The following ADTRP variants were observed in gnomAD, a reference collection of about 807,000 sequenced individuals.
ADTRP encodes androgen-dependent TFPI-regulating protein.
Under a neutral mutation model 27.0 loss-of-function variants are expected in ADTRP, and 20 were observed. The observed-to-expected ratio is 0.74, with a 90% CI of 0.52 to 1.08. ADTRP has a LOEUF of 1.08. Among genes scored for constraint, ADTRP ranks in the 50% least tolerant of loss-of-function variants. The probability of loss-of-function intolerance (pLI) is 0.00; values close to 1 mark genes in which losing one functional copy is unlikely to be tolerated. For synonymous variants in ADTRP, 101 were observed against 105.2 expected (o/e 0.96, Z 0.25); for missense variants, 251 against 275.0 (o/e 0.91, Z 0.62).
rs539801385 is a variant in ADTRP at position 11,747,532 on chromosome 6, A to G, written c.391-11849T>C. ...CTTCTCTTTTTATTCTGCCCTCAAC[A>G]TAAGAAGAAACTTGATTGCTATTGG... On this transcript the variant is annotated intron_variant, in intron 3 of 5. Coordinates refer to ENST00000414691, the MANE Select transcript of ADTRP (RefSeq NM_032744.4). Among the ~76,000 whole-genome samples, 9 of 152,364 alleles carry G rather than the reference A, an allele frequency of 5.9e-5. No individual in the cohort carries two copies. The South Asian group carries it at 1.4e-3, about 25-fold the overall frequency.
At chr6:11,727,444 AG>A (rs1192904044) in intron 4 of ADTRP, among the ~76,000 whole-genome samples, 2 of 152,210 alleles carry the variant, frequency 1.3e-5, no homozygotes, top group Non-Finnish European at 2.9e-5. Context: ...AACAGTTTCA[AG>A]TAGATAGGGC....
intron 4 of ADTRP, among the ~76,000 whole-genome samples, chr6:11,724,662 G>T (rs2235420): frequency 0.47 from 70,826 of 152,034 alleles, 18,100 homozygotes; most frequent in Non-Finnish European, 0.59. Flanking sequence ...CTGGAACTGG[G>T]CTTCTGTGAT....
chr6:11,729,936 A>G (rs1273344982), intron 4 of ADTRP, among the ~76,000 whole-genome samples: 1 of 152,182 alleles, frequency 6.6e-6, no homozygotes, highest in Non-Finnish European at 1.5e-5. Context: ...TGTGTGGTAC[A>G]TGTCAATCAA....
intron 3 of ADTRP, among the ~76,000 whole-genome samples, chr6:11,765,101 ATAAC>A (rs34936341): frequency 0.4 from 60,032 of 151,146 alleles, 12,448 homozygotes; most frequent in Admixed American, 0.45. Flanking sequence ...TCAATCATCA[ATAAC>A]TGACTGAGCA....
At chr6:11,749,516 G>A (rs1360223851) in intron 3 of ADTRP, among the ~76,000 whole-genome samples, 1 of 152,042 alleles carries the variant, frequency 6.6e-6, no homozygotes, top group Admixed American at 6.6e-5. Flanking sequence ...TGGGGAAAGG[G>A]CATTAGCAAA....
At chr6:11,731,529 T>C (rs1762379151) in intron 4 of ADTRP, among the ~76,000 whole-genome samples, 1 of 152,196 alleles carries the variant, frequency 6.6e-6, no homozygotes, top group Non-Finnish European at 1.5e-5. Flanking sequence ...ATATTTCTCA[T>C]TAGTCTCTTT....
At chr6:11,760,921 T>C (rs1380565325) in intron 3 of ADTRP, among the ~76,000 whole-genome samples, 1 of 152,222 alleles carries the variant, frequency 6.6e-6, no homozygotes, top group Non-Finnish European at 1.5e-5. Flanking sequence ...AAGGTGTCCC[T>C]GAAGAGGTGA....
intron 1 of ADTRP, among the ~76,000 whole-genome samples, chr6:11,771,989 G>A (rs936070341): frequency 6.6e-6 from 1 of 152,108 alleles, no homozygotes; most frequent in Non-Finnish European, 1.5e-5. Flanking sequence ...AGTTTGTTAC[G>A]GCAGCCCTAG....
intron 5 of ADTRP, 56 bp downstream of exon 5, chr6:11,723,293 G>A: frequency 6.3e-7 from 1 of 1,586,766 alleles, no homozygotes; most frequent in Non-Finnish European, 8.6e-7. Context: ...TCCAGGTGAA[G>A]GGGAGAGGCA....
rs1250994947 is a variant in ADTRP at position 11,778,704 on chromosome 6, A to G, written c.56T>C (p.Phe19Ser). 6.2e-7 allele frequency: 1 copy of G among 1,614,222 alleles called. No homozygotes were observed. The highest frequency in any genetic ancestry group is 1.3e-5 in the African/African-American group (1 of 75,042). ...TTCCTGTGAGATGTAATAATTGAGG[A>G]AAGTATACCAGCTCAGAACAAGGAA... ...YHFLVLSWYT[F>S]LNYYISQEGK... The change falls in exon 1 of 6, where the codon TTC (phenylalanine) becomes TCC (serine). Residue 19 changes from phenylalanine (F) to serine (S), a missense_variant. By Grantham distance (155) the Phe-to-Ser change is radical. Transcript: ENST00000414691.
At chr6:11,766,156 G>A (rs1339651869) in intron 3 of ADTRP, 118 bp downstream of exon 3, 1 of 690,674 alleles carries the variant, frequency 1.4e-6, no homozygotes, top group Non-Finnish European at 2.4e-6. Flanking sequence ...AATAAACAGT[G>A]ATGAGGTAGA....
intron 2 of ADTRP, among the ~76,000 whole-genome samples, chr6:11,766,959 G>A (rs1763593102): frequency 6.6e-6 from 1 of 152,210 alleles, no homozygotes; most frequent in South Asian, 2.1e-4. Context: ...ATGCTACGAA[G>A]TCAACGCATA....
intron 5 of ADTRP, among the ~76,000 whole-genome samples, chr6:11,716,719 C>CTTTTTCTTTTTTTTTTTT (rs200468981): frequency 8.0e-6 from 1 of 125,412 alleles, no homozygotes; most frequent in African/African-American, 3.0e-5. Context: ...TTTTCTTTTT[C>CTTTTTCTTTTTTTTTTTT]TTTTTTTTTT....
intron 3 of ADTRP, among the ~76,000 whole-genome samples, chr6:11,762,096 A>G (rs1202736431): frequency 6.6e-6 from 1 of 152,242 alleles, no homozygotes; most frequent in Non-Finnish European, 1.5e-5. Context: ...ATCATCTTGC[A>G]TGCTATGACT....
chr6:11,732,650 A>G (rs1762426286), intron 4 of ADTRP, among the ~76,000 whole-genome samples: 1 of 152,180 alleles, frequency 6.6e-6, no homozygotes, highest in Non-Finnish European at 1.5e-5. Context: ...GGCTTAGTGG[A>G]CCAAATACCA....
intron 3 of ADTRP, among the ~76,000 whole-genome samples, chr6:11,759,347 A>C (rs147185222): frequency 3.3e-5 from 5 of 152,298 alleles, no homozygotes; most frequent in Non-Finnish European, 5.9e-5. Flanking sequence ...ACTTATCAAT[A>C]TCCTTTGAGA....
chr6:11,747,586 C>A (rs1226957461), intron 3 of ADTRP, among the ~76,000 whole-genome samples: 3 of 152,212 alleles, frequency 2.0e-5, no homozygotes, highest in African/African-American at 7.2e-5. Context: ...TCCATAGCAG[C>A]CATGAAAACA....
At position 11,735,568 on chromosome 6, in the gene ADTRP, C is replaced by T. The variant is rs376139446; in HGVS notation, c.506G>A (p.Arg169His). ...LAAASIAYIS[R>H]ILWLYFETGT... ...TTGACTTTCTCCATGTAATTCTTAC[C>T]GGCTGATGTAAGCAATGCTGGCAGC... The change falls in exon 4 of 6, where the codon CGC becomes CAC. Residue 169 changes from arginine (R) to histidine (H), a missense_variant and splice_region_variant. Coordinates refer to ENST00000414691, the MANE Select transcript of ADTRP (RefSeq NM_032744.4). 3.0e-5 allele frequency: 48 copies of T among 1,607,562 alleles called. No individual in the cohort carries two copies. Among genetic ancestry groups the T allele is most frequent in the South Asian group, 2.1e-4 (19 of 90,664 alleles).
Position 11,723,449 on chromosome 6 carries a change from G to C in ADTRP, c.558C>G (p.Ala186=). The C allele has an allele frequency of 6.2e-7, 1 of 1,614,134 alleles. No homozygotes were observed. The highest frequency in any genetic ancestry group is 8.5e-7 in the Non-Finnish European group (1 of 1,180,034). The change falls in exon 5 of 6, where the codon GCC becomes GCG. Residue 186 remains alanine, a synonymous_variant. Transcript: ENST00000414691. ...CTGCTAGACCCAAGAGGCTGAGTTT[G>C]GCAAACACAGGATACACCCAGGTAC... ...ETGTWVYPVF[A]KLSLLGLAAF... is the part of the protein sequence containing the mutation.
Sources: allele counts gnomAD v4.1 joint callset (sites outside exome capture counted in the v4.1 genomes callset), GRCh38; gene constraint gnomAD v4.1.1; transcripts MANE v1.5; gene names NCBI Gene and HGNC (gene_info 2026-07-23, HGNC 2026-07-21).